S100PBP: variants seen among roughly 807,000 people sequenced by gnomAD.
S100PBP encodes the protein S100P binding protein, also known as S100P-binding protein.
In S100PBP, 15 loss-of-function variants were observed where a neutral mutation model predicts 39.9. That is an observed-to-expected ratio of 0.38 (90% confidence interval 0.25 to 0.58). S100PBP has a LOEUF of 0.58. S100PBP is among the 20% of genes least tolerant of loss of function. The pLI is 0.70. For synonymous variants in S100PBP, 178 were observed against 180.3 expected (o/e 0.99, Z 0.10); for missense variants, 504 against 487.3 (o/e 1.03, Z -0.32).
intron 5 of S100PBP, chr1:32,835,003 G>C (rs982693961): frequency 6.6e-6 from 1 of 152,028 alleles, no homozygotes; most frequent in African/African-American, 2.4e-5. Flanking sequence ...AGCTGGGCGT[G>C]GTGGTGGGCG....
At chr1:32,839,988 T>A (rs561177255) in intron 5 of S100PBP, among the ~76,000 whole-genome samples, 3 of 152,012 alleles carry the variant, frequency 2.0e-5, no homozygotes, top group African/African-American at 7.2e-5. Flanking sequence ...ATTTTTTGTT[T>A]TGTTTTGTTT....
intron 5 of S100PBP, among the ~76,000 whole-genome samples, chr1:32,850,659 A>G (rs780288107): frequency 2.0e-5 from 3 of 152,226 alleles, no homozygotes; most frequent in African/African-American, 7.2e-5. Flanking sequence ...TTAAAAAATA[A>G]AGAGACTGTA....
At position 32,828,361 on chromosome 1, in the gene S100PBP, A is replaced by G. The variant is rs72880584; in HGVS notation, c.920+280A>G. Among the ~76,000 whole-genome samples, 1,188 of 152,258 alleles carry G rather than the reference A, an allele frequency of 7.8e-3. 16 individuals carry two copies. The highest frequency in any genetic ancestry group is 0.027 in the African/African-American group (1,115 of 41,552). ...TATTAGCGAAAACACTACAAAGGTAAGATATCTTCTCCTGTGCATGGGGCA... is the reference window on the plus strand; with the variant it reads ...TATTAGCGAAAACACTACAAAGGTAGGATATCTTCTCCTGTGCATGGGGCA... On this transcript the variant is annotated intron_variant, in intron 4 of 6. Transcript: ENST00000373475.
upstream of S100PBP, chr1:32,817,520 A>G (rs1054353651): frequency 1.7e-6 from 1 of 591,492 alleles, no homozygotes; most frequent in Non-Finnish European, 3.0e-6. Context: ...AGCGGGGCAC[A>G]ACCCTCCTAG....
At chr1:32,847,500 T>C (rs762609420) in intron 5 of S100PBP, 1 of 139,924 alleles carries the variant, frequency 7.1e-6, no homozygotes, top group Admixed American at 6.9e-5. Flanking sequence ...AGTGGAAATA[T>C]CTGCTTTGAT....
chr1:32,826,271 A>G lies in S100PBP; in HGVS notation c.172A>G (p.Ile58Val), dbSNP rs1342367925. ...TGATGTAAATTACACAGAGGAAGAGATTGATGCACTGTTGAAGGAAGATGA... is the reference window on the plus strand; with the variant it reads ...TGATGTAAATTACACAGAGGAAGAGGTTGATGCACTGTTGAAGGAAGATGA... ...DGDVNYTEEEIDALLKEDDPS... is the reference protein window; with the variant it reads ...DGDVNYTEEEVDALLKEDDPS... The change falls in exon 3 of 7, where the codon ATT becomes GTT. Residue 58 changes from isoleucine to valine, a missense_variant. By Grantham distance (29) the Ile-to-Val change is conservative. Coordinates refer to ENST00000373475, the MANE Select transcript of S100PBP (RefSeq NM_022753.4). 1 of 1,614,128 alleles carries G rather than the reference A, an allele frequency of 6.2e-7. No individual in the cohort carries two copies. Among genetic ancestry groups the G allele is most frequent in the South Asian group, 1.1e-5 (1 of 91,074 alleles).
chr1:32,821,690 A>G (rs1036486060), intron 1 of S100PBP, among the ~76,000 whole-genome samples: 1 of 141,914 alleles, frequency 7.0e-6, no homozygotes, highest in African/African-American at 2.7e-5. Flanking sequence ...GCTGGAGTGT[A>G]GTGGTGCGAT....
chr1:32,827,593 C>G (rs1216913506), intron 3 of S100PBP, among the ~76,000 whole-genome samples: 2 of 152,112 alleles, frequency 1.3e-5, no homozygotes, highest in Non-Finnish European at 2.9e-5. Context: ...AAGCAATTCT[C>G]CTGTCTCAGT....
intron 6 of S100PBP, among the ~76,000 whole-genome samples, chr1:32,854,633 A>G (rs1640752501): frequency 6.6e-6 from 1 of 152,212 alleles, no homozygotes; most frequent in South Asian, 2.1e-4. Flanking sequence ...TTCACAACTC[A>G]GCAGCCAAAG....
At chr1:32,834,318 A>G (rs970893158) in intron 5 of S100PBP, among the ~76,000 whole-genome samples, 1 of 152,288 alleles carries the variant, frequency 6.6e-6, no homozygotes, top group African/African-American at 2.4e-5. Flanking sequence ...CTTTGGTGAA[A>G]TAGCATCTAA....
At position 32,857,656 on chromosome 1, in the gene S100PBP, T is replaced by G. The variant is rs1640875244; in HGVS notation, c.*1618T>G. ...TAGCTATAGACATCATTTTAGGAAG[T>G]GTTGCAGTCTGGCATTTGTGCTATT... On this transcript the variant is annotated 3_prime_UTR_variant, in exon 7 of 7. Coordinates refer to ENST00000373475, the MANE Select transcript of S100PBP (RefSeq NM_022753.4). 4 of 152,188 alleles carry G rather than the reference T, an allele frequency of 2.6e-5. No homozygotes were observed. Among genetic ancestry groups the G allele is most frequent in the Admixed American group, 1.3e-4 (2 of 15,282 alleles). The allele number at this position is 152,188 out of a possible 1,614,324, so 9.4% of individuals were successfully genotyped here.
At chr1:32,829,755 A>G (rs1379378560) in intron 4 of S100PBP, among the ~76,000 whole-genome samples, 1 of 152,166 alleles carries the variant, frequency 6.6e-6, no homozygotes, top group South Asian at 2.1e-4. Context: ...CACCACACCC[A>G]GCTTCTCTTC....
At chr1:32,818,820 C>T (rs1298784653) in intron 1 of S100PBP, 1 of 152,088 alleles carries the variant, frequency 6.6e-6, no homozygotes, top group African/African-American at 2.4e-5. Context: ...AGTGATAAAG[C>T]CTGCTGAGTG....
At chr1:32,848,308 A>G (rs540519058) in intron 5 of S100PBP, among the ~76,000 whole-genome samples, 1 of 152,072 alleles carries the variant, frequency 6.6e-6, no homozygotes, top group African/African-American at 2.4e-5. Context: ...CTCCGTCTCA[A>G]AAAAAAATAA....
intron 5 of S100PBP, among the ~76,000 whole-genome samples, chr1:32,851,797 A>G (rs1341225413): frequency 6.6e-6 from 1 of 152,174 alleles, no homozygotes; most frequent in Non-Finnish European, 1.5e-5. Flanking sequence ...GATTATGTAT[A>G]ATCAGAAAGT....
rs565354045 is a variant in S100PBP, at chr1:32,840,092, C to T, written c.1024+10025C>T. On this transcript the variant is annotated intron_variant, in intron 5 of 6. Transcript: ENST00000373475. ...CTCTGCCTCCCAGGTTCAAGCGATTCTCCTGTCTCAGCCTCCTGAGTAGCT... is the reference window on the plus strand; with the variant it reads ...CTCTGCCTCCCAGGTTCAAGCGATTTTCCTGTCTCAGCCTCCTGAGTAGCT... Among the ~76,000 whole-genome samples the T allele has an allele frequency of 7.2e-5, 11 of 152,286 alleles. No individual in the cohort carries two copies. The South Asian group carries it at 2.1e-3, about 29-fold the overall frequency.
chr1:32,844,291 T>G (rs1281778139), intron 5 of S100PBP, among the ~76,000 whole-genome samples: 1 of 152,154 alleles, frequency 6.6e-6, no homozygotes, highest in Non-Finnish European at 1.5e-5. Flanking sequence ...GCCTCAAGTA[T>G]CTGCCTGCCT....
chr1:32,830,614 CAAG>C (rs1358687498), intron 5 of S100PBP, among the ~76,000 whole-genome samples: 2 of 152,178 alleles, frequency 1.3e-5, no homozygotes, highest in Non-Finnish European at 2.9e-5. Context: ...CTCCAGCTCT[CAAG>C]AGAGTACAGT....
At chr1:32,818,436 C>A (rs564581171) in intron 1 of S100PBP, 1 of 152,330 alleles carries the variant, frequency 6.6e-6, no homozygotes, top group African/African-American at 2.4e-5. Flanking sequence ...GCAGTTATTA[C>A]CTCAGTGGGC....
Sources: allele counts gnomAD v4.1 joint callset (sites outside exome capture counted in the v4.1 genomes callset), GRCh38; gene constraint gnomAD v4.1.1; transcripts MANE v1.5; gene names NCBI Gene and HGNC (gene_info 2026-07-23, HGNC 2026-07-21).